The following ST6GAL1 variants were observed in gnomAD, a reference collection of about 807,000 sequenced individuals.
The protein encoded by ST6GAL1 is beta-galactoside alpha-2,6-sialyltransferase 1.
Under a neutral mutation model 38.0 loss-of-function variants are expected in ST6GAL1, and 20 were observed. The observed-to-expected ratio is 0.53, with a 90% CI of 0.37 to 0.77. ST6GAL1 has a LOEUF of 0.77. ST6GAL1 is among the 30% of genes least tolerant of loss of function. The pLI is 0.00. For missense variants in ST6GAL1, 432 were observed against 496.4 expected, an observed-to-expected ratio of 0.87 and a Z score of 1.23; for synonymous variants, 196 against 188.2, an observed-to-expected ratio of 1.04 and a Z score of -0.34.
chr3:186,934,566 CAG>C (rs1461795471), intron 1 of ST6GAL1, among the ~76,000 whole-genome samples: 1 of 151,480 alleles, frequency 6.6e-6, no homozygotes, highest in Admixed American at 6.6e-5. Context: ...GTCTCAAAAA[CAG>C]AAAATAAAAC....
chr3:186,938,888 A>G (rs1714059942), intron 1 of ST6GAL1, among the ~76,000 whole-genome samples: 1 of 152,070 alleles, frequency 6.6e-6, no homozygotes, highest in African/African-American at 2.4e-5. Flanking sequence ...GTCACATGAT[A>G]CATATTTGAG....
At position 186,970,518 on chromosome 3, in the gene ST6GAL1, C is replaced by T. The variant is rs114134801; in HGVS notation, c.-183+6592C>T. Reference sequence around the variant, plus strand: ...GATTATAGATGTGAGCCACTGCGCCCGGTGGATACAGAACTATTTTATCAT... The same window carrying T: ...GATTATAGATGTGAGCCACTGCGCCTGGTGGATACAGAACTATTTTATCAT... On this transcript the variant is annotated intron_variant, in intron 2 of 7. Coordinates refer to ENST00000169298, the MANE Select transcript of ST6GAL1 (RefSeq NM_173216.2). Among the ~76,000 whole-genome samples, 999 of 152,096 alleles carry T rather than the reference C, an allele frequency of 6.6e-3. 10 individuals are homozygous for T. The highest frequency in any genetic ancestry group is 0.022 in the African/African-American group (895 of 41,494).
At chr3:187,009,831 C>A (rs1716899100) in intron 2 of ST6GAL1, among the ~76,000 whole-genome samples, 1 of 151,984 alleles carries the variant, frequency 6.6e-6, no homozygotes, top group Admixed American at 6.6e-5. Flanking sequence ...TGCTGAAACC[C>A]CGTCTCTACT....
Position 187,042,637 on chromosome 3 carries a change from T to G in ST6GAL1, c.-50-17T>G. On this transcript the variant is annotated splice_polypyrimidine_tract_variant and intron_variant, in intron 3 of 7. Coordinates refer to ENST00000169298, the MANE Select transcript of ST6GAL1 (RefSeq NM_173216.2). Reference sequence around the variant, plus strand: ...TTTCTTTACATCATTTGTTTTTCCTTGTCTCACTTTTTTTAGGCTTGTTTT... The same window carrying G: ...TTTCTTTACATCATTTGTTTTTCCTGGTCTCACTTTTTTTAGGCTTGTTTT... The G allele has an allele frequency of 6.5e-7, 1 of 1,530,998 alleles. No homozygotes were observed. Among genetic ancestry groups the G allele is most frequent in the Non-Finnish European group, 8.7e-7 (1 of 1,144,422 alleles). The allele number at this position is 1,530,998 out of a possible 1,614,324, so 94.8% of individuals were successfully genotyped here. A position where few individuals can be genotyped will look rare whatever the true frequency, so the allele number is the denominator to read the frequency against.
At chr3:186,967,304 A>G (rs1360185398) in intron 2 of ST6GAL1, among the ~76,000 whole-genome samples, 3 of 152,056 alleles carry the variant, frequency 2.0e-5, no homozygotes, top group Non-Finnish European at 4.4e-5. Flanking sequence ...CGAGTCTCCT[A>G]CTTCAGCCTC....
At chr3:187,047,107 G>T (rs1718324673) in intron 4 of ST6GAL1, among the ~76,000 whole-genome samples, 3 of 152,054 alleles carry the variant, frequency 2.0e-5, no homozygotes, top group African/African-American at 7.2e-5. Context: ...CACCACGCCT[G>T]GCTAATTTTT....
intron 2 of ST6GAL1, among the ~76,000 whole-genome samples, chr3:186,976,390 G>A (rs1223233829): frequency 6.6e-6 from 1 of 152,076 alleles, no homozygotes; most frequent in Non-Finnish European, 1.5e-5. Flanking sequence ...CTTCTACCAA[G>A]CATTGTTTTA....
At chr3:187,014,232 G>T (rs1458023320) in intron 2 of ST6GAL1, among the ~76,000 whole-genome samples, 1 of 152,224 alleles carries the variant, frequency 6.6e-6, no homozygotes, top group African/African-American at 2.4e-5. Flanking sequence ...ATTGCATGCT[G>T]ATTAATAATA....
intron 2 of ST6GAL1, among the ~76,000 whole-genome samples, chr3:186,982,501 A>G (rs2108538406): frequency 6.6e-6 from 1 of 152,260 alleles, no homozygotes; most frequent in African/African-American, 2.4e-5. Context: ...GAATTTGACT[A>G]CTTTTGAGGA....
At chr3:187,007,608 G>A (rs1716825050) in intron 2 of ST6GAL1, among the ~76,000 whole-genome samples, 2 of 152,166 alleles carry the variant, frequency 1.3e-5, no homozygotes, top group South Asian at 4.1e-4. Flanking sequence ...AGGATTCAGA[G>A]TCTCACAACA....
chr3:187,074,668 G>A (rs774213769), intron 7 of ST6GAL1, among the ~76,000 whole-genome samples: 2 of 152,074 alleles, frequency 1.3e-5, no homozygotes, highest in Admixed American at 6.6e-5. Context: ...GTAGTGTTCG[G>A]TAGGCTTTGG....
At chr3:186,987,169 A>G (rs1173597757) in intron 2 of ST6GAL1, among the ~76,000 whole-genome samples, 1 of 110,760 alleles carries the variant, frequency 9.0e-6, no homozygotes, top group East Asian at 3.6e-4. Flanking sequence ...AGGAAGAAAG[A>G]GAAAGAGAGA....
intron 2 of ST6GAL1, among the ~76,000 whole-genome samples, chr3:186,977,397 G>T (rs571626278): frequency 6.6e-6 from 1 of 152,208 alleles, no homozygotes; most frequent in Non-Finnish European, 1.5e-5. Context: ...TTTGGACTCA[G>T]TGTTTTCACT....
chr3:187,075,454 G>C lies in ST6GAL1; in HGVS notation c.980-108G>C. 2 of 1,501,628 alleles carry C rather than the reference G, an allele frequency of 1.3e-6. No homozygotes were observed. The highest frequency in any genetic ancestry group is 1.8e-6 in the Non-Finnish European group (2 of 1,113,326). 93.0% of individuals were successfully genotyped at this position (1,501,628 alleles called of 1,614,324 possible). A position where few individuals can be genotyped will look rare whatever the true frequency, so the allele number is the denominator to read the frequency against. Reference sequence around the variant, plus strand: ...CACAGTCATAAATAGAAACTCCAGAGGGAAAGCTCTCCAAATTTGGGGTCA... The same window carrying C: ...CACAGTCATAAATAGAAACTCCAGACGGAAAGCTCTCCAAATTTGGGGTCA... On this transcript the variant is annotated intron_variant, in intron 7 of 7. Coordinates refer to ENST00000169298, the MANE Select transcript of ST6GAL1 (RefSeq NM_173216.2). This position sits in a 1 kb window ranked among gnomAD's most constrained non-coding sequence, Gnocchi z 4.1.
chr3:187,077,007 A>C lies in ST6GAL1; in HGVS notation c.*1204A>C, dbSNP rs779754226. On this transcript the variant is annotated 3_prime_UTR_variant, in exon 8 of 8. Transcript: ENST00000169298. ...TTTTTTTAAAGCATTTTTTGCTTTAAAAGCATCCTGACCCCAATTTCTTTG... is the reference window on the plus strand; with the variant it reads ...TTTTTTTAAAGCATTTTTTGCTTTACAAGCATCCTGACCCCAATTTCTTTG... The C allele has an allele frequency of 3.0e-5, 12 of 397,400 alleles. No homozygotes were observed. Among genetic ancestry groups the C allele is most frequent in the Non-Finnish European group, 4.4e-5 (10 of 225,878 alleles). The allele number at this position is 397,400 out of a possible 1,614,324, so 24.6% of individuals were successfully genotyped here.
At chr3:186,976,797 T>G (rs1715534985) in intron 2 of ST6GAL1, among the ~76,000 whole-genome samples, 1 of 152,236 alleles carries the variant, frequency 6.6e-6, no homozygotes, top group African/African-American at 2.4e-5. Flanking sequence ...AAATAGAGGC[T>G]CCTAGAGACT....
At chr3:187,032,636 T>C (rs1717793501) in intron 2 of ST6GAL1, among the ~76,000 whole-genome samples, 1 of 152,190 alleles carries the variant, frequency 6.6e-6, no homozygotes, top group South Asian at 2.1e-4. Flanking sequence ...AAATACTAAA[T>C]GAATGCCTGC....
intron 5 of ST6GAL1, among the ~76,000 whole-genome samples, chr3:187,055,227 T>C (rs1299548526): frequency 9.0e-5 from 9 of 100,540 alleles, no homozygotes; most frequent in Non-Finnish European, 1.2e-4. Flanking sequence ...TTATCAATTT[T>C]GTTGATCTTT....
At chr3:187,024,151 G>C (rs905178845) in intron 2 of ST6GAL1, among the ~76,000 whole-genome samples, 1 of 151,926 alleles carries the variant, frequency 6.6e-6, no homozygotes, top group Non-Finnish European at 1.5e-5. Flanking sequence ...ATGGAGTACA[G>C]TGGCATGATC....
Sources: gnomAD v4.1 joint callset for allele counts (sites outside exome capture counted in the v4.1 genomes callset) on GRCh38, gnomAD v4.1.1 for gene constraint, Gnocchi (gnomAD v3.1) non-coding constraint, MANE v1.5 for transcripts, NCBI Gene and HGNC (gene_info 2026-07-23, HGNC 2026-07-21) for gene names.